TUT1: variants seen among roughly 807,000 people sequenced by gnomAD.
TUT1 encodes the protein terminal uridylyl transferase 1, U6 snRNA-specific, also known as speckle targeted PIP5K1A-regulated poly(A) polymerase.
Under a neutral mutation model 48.8 loss-of-function variants are expected in TUT1, and 26 were observed. The observed-to-expected ratio is 0.53, with a 90% CI of 0.39 to 0.74. The LOEUF is 0.74. Among genes scored for constraint, TUT1 ranks in the 30% least tolerant of loss-of-function variants. The pLI, the probability that TUT1 is intolerant of heterozygous loss-of-function variation, is 0.00. For missense variants in TUT1, 1,065 were observed against 1,114.8 expected, an observed-to-expected ratio of 0.96 and a Z score of 0.64; for synonymous variants, 470 against 460.8, an observed-to-expected ratio of 1.02 and a Z score of -0.26.
At position 62,589,129 on chromosome 11, in the gene TUT1, A is replaced by G. The variant is rs745406137; in HGVS notation, c.175T>C (p.Phe59Leu). The change falls in exon 2 of 9, where the codon TTT (phenylalanine) becomes CTT (leucine). Residue 59 changes from phenylalanine (F) to leucine (L), a missense_variant. Phe to Leu is a conservative substitution (Grantham distance 22). Coordinates refer to ENST00000476907, the MANE Select transcript of TUT1 (RefSeq NM_022830.3). ...ACATCCCTGGGAAAGCCACTGACAA[A>G]CACACTTCGAAGTCCCTGGGCCTTT... is the stretch of plus-strand genomic sequence containing the variant. The part of the protein sequence containing the change: ...ARKAQGLRSV[F>L]VSGFPRDVDS... 6.2e-7 allele frequency: 1 copy of G among 1,614,230 alleles called. No individual in the cohort carries two copies. Among genetic ancestry groups the G allele is most frequent in the African/African-American group, 1.3e-5 (1 of 75,052 alleles).
Position 62,581,436 on chromosome 11 carries a change from C to T in TUT1, c.539G>A (p.Arg180His), listed in dbSNP as rs774549140. 8.7e-6 allele frequency: 14 copies of T among 1,612,486 alleles called. No homozygotes were observed. In the South Asian group the frequency reaches 9.9e-5, roughly 11 times the overall value. The change falls in exon 3 of 9, where the codon CGC becomes CAC. Residue 180 changes from arginine to histidine, a missense_variant. Arg to His is a conservative substitution (Grantham distance 29). Transcript: ENST00000476907. ...RELSEAERQL[R>H]SLVVALMQEV... ...CTGCATCAGGGCCACCACTAGGCTG[C>T]GAAGCTGCCGCTCGGCCTCGGACAA...
intron 5 of TUT1, among the ~76,000 whole-genome samples, chr11:62,578,063 CAAAAAAAAAAA>C (rs200086998): frequency 3.7e-5 from 4 of 107,116 alleles, no homozygotes; most frequent in South Asian, 2.8e-4. Flanking sequence ...CTCCGTCTCA[CAAAAAAAAAAA>C]AAAAAAAAAA....
In TUT1 at chr11:62,576,743, C is replaced by T. The variant is rs1364496943; in HGVS notation, c.1388G>A (p.Gly463Glu). Residue 463 changes from glycine to glutamate, a missense_variant, in exon 8 of 9, where the codon GGG (glycine) becomes GAG (glutamate). By Grantham distance (98) the Gly-to-Glu change is moderately conservative (BLOSUM62 -2). Transcript: ENST00000476907. The stretch of plus-strand genomic sequence containing the variant: ...CCAGCCATCGACTTCCACCTGTTCC[C>T]CCTCTCCTGTGAAAGTAAATAAGGT... ...VSQLTQKAGEGEQVEVDGWDC... is the reference protein window; with the variant it reads ...VSQLTQKAGEEEQVEVDGWDC... The T allele has an allele frequency of 1.2e-6, 2 of 1,614,198 alleles. No homozygotes were observed. The highest frequency in any genetic ancestry group is 1.1e-5 in the South Asian group (1 of 91,086).
At chr11:62,586,322 A>G (rs932533539) in intron 2 of TUT1, among the ~76,000 whole-genome samples, 1 of 152,242 alleles carries the variant, frequency 6.6e-6, no homozygotes, top group African/African-American at 2.4e-5. Flanking sequence ...TGAAACTCAA[A>G]GAGGTTAAGT....
chr11:62,579,660 T>C (rs1246001552), intron 4 of TUT1, among the ~76,000 whole-genome samples: 1 of 149,492 alleles, frequency 6.7e-6, no homozygotes, highest in African/African-American at 2.5e-5. Flanking sequence ...AAAAATAAAG[T>C]CCATTTTTTT....
chr11:62,579,110 T>C, intron 4 of TUT1, 80 bp from the exon 5 acceptor site: 1 of 1,114,282 alleles, frequency 9.0e-7, no homozygotes, highest in East Asian at 2.8e-5. Context: ...TACTTCCAGC[T>C]TATTCAGCTC....
At chr11:62,590,899 C>T (rs986826786) in intron 1 of TUT1, among the ~76,000 whole-genome samples, 1 of 152,014 alleles carries the variant, frequency 6.6e-6, no homozygotes, top group Non-Finnish European at 1.5e-5. Context: ...AACCCATCTT[C>T]TGTCTCTTCC....
In TUT1 at chr11:62,578,902, A is replaced by G. The variant is rs1046764893; in HGVS notation, c.819T>C (p.Ser273=). 6.3e-7 allele frequency: 1 copy of G among 1,596,598 alleles called. No homozygotes were observed. Among genetic ancestry groups the G allele is most frequent in the Non-Finnish European group, 8.5e-7 (1 of 1,170,828 alleles). The change falls in exon 5 of 9, where the codon TCT becomes TCC. Residue 273 remains serine, a synonymous_variant. Transcript: ENST00000476907. The stretch of plus-strand genomic sequence containing the variant: ...AAGGGGTTTCAAAGTCCAGGGCTTC[A>G]GAATCCTGGGGAGAAGCAGGAGGTT... ...DSQPPASPQD[S]EALDFETPSS...
intron 2 of TUT1, among the ~76,000 whole-genome samples, chr11:62,582,210 T>C (rs911629152): frequency 1.3e-5 from 2 of 152,006 alleles, no homozygotes; most frequent in African/African-American, 4.8e-5. Flanking sequence ...CTCTAATTCC[T>C]AAACTCCTAA....
intron 3 of TUT1, 31 bp from the exon 4 acceptor site, chr11:62,581,237 A>G (rs1941819737): frequency 1.9e-6 from 3 of 1,607,988 alleles, no homozygotes; most frequent in Non-Finnish European, 2.6e-6. Context: ...AAAGGTCAAG[A>G]GAAGTTAGGG....
Position 62,589,168 on chromosome 11 carries a change from G to A in TUT1, c.136C>T (p.Leu46=). The part of the protein sequence containing the change: ...GGRKHRHLVE[L]RAARKAQGLR... Reference sequence around the variant, plus strand: ...CCCTGGGCCTTTCTCGCAGCTCGTAGTTCTACCAGGTGCCGGTGCTTTCTG... The same window carrying A: ...CCCTGGGCCTTTCTCGCAGCTCGTAATTCTACCAGGTGCCGGTGCTTTCTG... The change falls in exon 2 of 9, where the codon CTA becomes TTA. Residue 46 remains leucine, a synonymous_variant. Transcript: ENST00000476907. 2 of 1,614,250 alleles carry A rather than the reference G, an allele frequency of 1.2e-6. No homozygotes were observed. The highest frequency in any genetic ancestry group is 8.5e-7 in the Non-Finnish European group (1 of 1,180,054).
At chr11:62,591,310 A>G in intron 1 of TUT1, 94 bp downstream of exon 1, 1 of 1,440,550 alleles carries the variant, frequency 6.9e-7, no homozygotes, top group Non-Finnish European at 9.1e-7. Context: ...TCAACTTGAC[A>G]AGAACGACTG....
chr11:62,583,511 T>C (rs985587168), intron 2 of TUT1, among the ~76,000 whole-genome samples: 5 of 151,926 alleles, frequency 3.3e-5, no homozygotes, highest in African/African-American at 1.2e-4. Flanking sequence ...CAGGAGGCAA[T>C]TGCTTGAACC....
intron 2 of TUT1, among the ~76,000 whole-genome samples, chr11:62,583,612 G>GA (rs1270819793): frequency 6.1e-4 from 91 of 148,870 alleles, no homozygotes; most frequent in African/African-American, 8.4e-4. Flanking sequence ...GTCTCAAAAA[G>GA]AAAAAAAAAG....
rs1181631601 is a variant in TUT1 at position 62,575,387 on chromosome 11, G to A, written c.2332C>T (p.Arg778Trp). The part of the protein sequence containing the change: ...CALWHRVWQG[R>W]RRARRRLQQQ... ...TGCAAGCGTCTACGGGCTCGCCGCC[G>A]CCCTTGCCACACTCGGTGCCACAAG... The change falls in exon 9 of 9, where the codon CGG becomes TGG. Residue 778 changes from arginine (R) to tryptophan (W), a missense_variant. Coordinates refer to ENST00000476907, the MANE Select transcript of TUT1 (RefSeq NM_022830.3). The A allele has an allele frequency of 3.7e-6, 6 of 1,612,424 alleles. No homozygotes were observed. The highest frequency in any genetic ancestry group is 5.1e-6 in the Non-Finnish European group (6 of 1,180,006).
Position 62,578,803 on chromosome 11 carries a change from A to T in TUT1, c.918T>A (p.Pro306=), listed in dbSNP as rs1250649744. 1 of 1,613,984 alleles carries T rather than the reference A, an allele frequency of 6.2e-7. No individual in the cohort carries two copies. The highest frequency in any genetic ancestry group is 1.1e-5 in the South Asian group (1 of 91,050). The change falls in exon 5 of 9, where the codon CCT becomes CCA. Residue 306 remains proline, a synonymous_variant. Transcript: ENST00000476907. The part of the protein sequence containing the change: ...SETLASPQSL[P]PASPLLEDRE... ...TGTCCTCTAGCAGTGGTGAAGCTGG[A>T]GGCAGAGACTGGGGAGAAGCAAGGG...
Position 62,576,184 on chromosome 11 carries a change from A to C in TUT1, c.1535T>G (p.Leu512Arg). ...VSCWDLRGSL[L>R]SLREGQALPV... ...CAGTGCCTGACCCTCCCGCAGGGAC[A>C]GCAGGGAGCCACGAAGATCCCAACA... is the stretch of plus-strand genomic sequence containing the variant. Residue 512 changes from leucine (L) to arginine (R), a missense_variant, in exon 9 of 9, where the codon CTG (leucine) becomes CGG (arginine). Leu to Arg is a moderately radical substitution (Grantham distance 102). Coordinates refer to ENST00000476907, the MANE Select transcript of TUT1 (RefSeq NM_022830.3). The C allele has an allele frequency of 1.2e-6, 2 of 1,610,520 alleles. No homozygotes were observed. The highest frequency in any genetic ancestry group is 1.7e-6 in the Non-Finnish European group (2 of 1,178,414).
rs1941721420 is a variant in TUT1 at position 62,576,030 on chromosome 11, T to C, written c.1689A>G (p.Leu563=). 2 of 1,613,664 alleles carry C rather than the reference T, an allele frequency of 1.2e-6. No homozygotes were observed. The highest frequency in any genetic ancestry group is 1.3e-5 in the African/African-American group (1 of 74,938). The change falls in exon 9 of 9, where the codon CTA becomes CTG. Residue 563 remains leucine (L), a synonymous_variant. Coordinates refer to ENST00000476907, the MANE Select transcript of TUT1 (RefSeq NM_022830.3). ...TGGCTGCTGCTCGGCAGCAGTTCTG[T>C]AGGCGCCCAGCCACCCGGCTGGTCA... is the stretch of plus-strand genomic sequence containing the variant. ...ANVTSRVAGR[L]QNCCRAAANY...
intron 2 of TUT1, among the ~76,000 whole-genome samples, chr11:62,584,132 T>A (rs1941872728): frequency 6.6e-6 from 1 of 151,142 alleles, no homozygotes; most frequent in East Asian, 1.9e-4. Flanking sequence ...ATTGTATTTT[T>A]TTTTTTTTTT....
Sources: allele counts gnomAD v4.1 joint callset (sites outside exome capture counted in the v4.1 genomes callset), GRCh38; gene constraint gnomAD v4.1.1; transcripts MANE v1.5; gene names NCBI Gene and HGNC (gene_info 2026-07-23, HGNC 2026-07-21).